FRMD4A: variants seen among roughly 807,000 people sequenced by gnomAD.
FRMD4A encodes the protein FERM domain-containing protein 4A.
A neutral mutation model predicts 129.1 loss-of-function variants in FRMD4A; 29 were observed. That is an observed-to-expected ratio of 0.22 (90% CI 0.17 to 0.31). FRMD4A has a LOEUF of 0.31. Ranked by LOEUF, FRMD4A falls within the 10% of genes least tolerant of loss-of-function variation. The probability of loss-of-function intolerance (pLI) is 1.00; values close to 1 mark genes in which losing one functional copy is unlikely to be tolerated. For missense variants in FRMD4A, 1,272 were observed against 1,375.8 expected (o/e 0.92, Z 1.19); for synonymous variants, 634 against 571.6 (o/e 1.11, Z -1.56).
In FRMD4A at chr10:14,309,670, C is replaced by G. The variant is rs1043084750; in HGVS notation, c.45+20388G>C. Among the ~76,000 whole-genome samples, 7 of 152,166 alleles carry G rather than the reference C, an allele frequency of 4.6e-5. No homozygotes were observed. The East Asian group carries it at 7.7e-4, about 17-fold the overall frequency. ...CATTCGAACCCCAGCCTCCAGGCCC[C>G]CCTCCTGCCTCCATATCTAACAGTG... On this transcript the variant is annotated intron_variant, in intron 2 of 24. Transcript: ENST00000357447.
intron 3 of FRMD4A, among the ~76,000 whole-genome samples, chr10:13,813,761 G>C (rs1400131312): frequency 6.6e-6 from 1 of 152,230 alleles, no homozygotes; most frequent in East Asian, 1.9e-4. Flanking sequence ...AGCGCTGCCA[G>C]AGCGTATTGT....
chr10:14,289,921 C>G (rs1845799338), intron 2 of FRMD4A, among the ~76,000 whole-genome samples: 1 of 151,700 alleles, frequency 6.6e-6, no homozygotes, highest in Admixed American at 6.6e-5. Context: ...TTGCAAGACA[C>G]AAGTCAAAAT....
intron 3 of FRMD4A, among the ~76,000 whole-genome samples, chr10:13,812,184 T>C (rs1256850376): frequency 1.3e-5 from 2 of 152,106 alleles, no homozygotes; most frequent in Non-Finnish European, 2.9e-5. Context: ...TGGCCGACAG[T>C]TGGTTTCTTA....
At chr10:13,859,553 G>T (rs1338506957) in intron 2 of FRMD4A, among the ~76,000 whole-genome samples, 3 of 152,052 alleles carry the variant, frequency 2.0e-5, no homozygotes, top group Non-Finnish European at 2.9e-5. Flanking sequence ...TCTCAGGGGT[G>T]GTGGGTGTTG....
intron 8 of FRMD4A, among the ~76,000 whole-genome samples, chr10:13,752,921 G>T (rs2091694573): frequency 6.6e-6 from 1 of 152,212 alleles, no homozygotes; most frequent in East Asian, 1.9e-4. Context: ...TGGGCTGGAG[G>T]TGTTGATGTG....
chr10:14,101,516 T>C (rs2131775652), intron 2 of FRMD4A, among the ~76,000 whole-genome samples: 1 of 152,252 alleles, frequency 6.6e-6, no homozygotes, highest in African/African-American at 2.4e-5. Context: ...TTTCAACACA[T>C]CTTTTGAGAT....
At chr10:13,799,471 T>C (rs2093204205) in intron 4 of FRMD4A, among the ~76,000 whole-genome samples, 2 of 151,846 alleles carry the variant, frequency 1.3e-5, no homozygotes, top group Admixed American at 1.3e-4. Context: ...GTTGACTTTC[T>C]ATATCTGGAA....
intron 2 of FRMD4A, among the ~76,000 whole-genome samples, chr10:14,057,909 G>T (rs941240349): frequency 1.3e-5 from 2 of 152,156 alleles, no homozygotes; most frequent in South Asian, 4.1e-4. Flanking sequence ...GTTTCTCTTG[G>T]AGCCAAATTC....
chr10:13,963,508 T>C (rs1000631829), intron 2 of FRMD4A, among the ~76,000 whole-genome samples: 4 of 152,146 alleles, frequency 2.6e-5, no homozygotes, highest in African/African-American at 9.7e-5. Flanking sequence ...CCAAGACTGG[T>C]TGTATGAGCT....
chr10:13,811,915 G>A (rs570230945), intron 3 of FRMD4A, among the ~76,000 whole-genome samples: 4 of 135,546 alleles, frequency 3.0e-5, no homozygotes, highest in African/African-American at 8.4e-5. Context: ...ATGGAGTCTC[G>A]CTCTGTCACC....
chr10:14,120,943 GA>G (rs1838475375), intron 2 of FRMD4A, among the ~76,000 whole-genome samples: 1 of 152,192 alleles, frequency 6.6e-6, no homozygotes, highest in Non-Finnish European at 1.5e-5. Flanking sequence ...TCCCTGACTG[GA>G]AAGCAATGGG....
At chr10:14,120,503 T>C (rs1838445587) in intron 2 of FRMD4A, among the ~76,000 whole-genome samples, 1 of 152,220 alleles carries the variant, frequency 6.6e-6, no homozygotes, top group South Asian at 2.1e-4. Context: ...AACACATGGA[T>C]GTATAAATCA....
At chr10:14,112,428 A>T (rs1428808384) in intron 2 of FRMD4A, among the ~76,000 whole-genome samples, 1 of 152,178 alleles carries the variant, frequency 6.6e-6, no homozygotes, top group Admixed American at 6.5e-5. Context: ...CTTGCAATTT[A>T]TTTCAAAAGA....
chr10:14,318,218 A>T (rs1846821286), intron 2 of FRMD4A, among the ~76,000 whole-genome samples: 1 of 152,166 alleles, frequency 6.6e-6, no homozygotes, highest in African/African-American at 2.4e-5. Flanking sequence ...CCTGTTCATT[A>T]ATCCCTAGGA....
intron 16 of FRMD4A, among the ~76,000 whole-genome samples, chr10:13,672,969 G>A (rs894812967): frequency 6.6e-6 from 1 of 152,154 alleles, no homozygotes; most frequent in Admixed American, 6.5e-5. Context: ...ATAAGAAGTG[G>A]CAGCTTTGTT....
In FRMD4A at chr10:14,287,028, T is replaced by C. The variant is rs541968639; in HGVS notation, c.45+43030A>G. Among the ~76,000 whole-genome samples the C allele has an allele frequency of 3.9e-5, 6 of 152,324 alleles. No individual in the cohort carries two copies. In the East Asian group the frequency reaches 5.8e-4, roughly 15 times the overall value. ...TCGCATCACTCTTGGCGTTCTGCACTGTTAAGGTCAATCTCTAATAAAATT... is the reference window on the plus strand; with the variant it reads ...TCGCATCACTCTTGGCGTTCTGCACCGTTAAGGTCAATCTCTAATAAAATT... On this transcript the variant is annotated intron_variant, in intron 2 of 24. Coordinates refer to ENST00000357447, the MANE Select transcript of FRMD4A (RefSeq NM_018027.5).
At chr10:14,096,365 C>T (rs1836961894) in intron 2 of FRMD4A, among the ~76,000 whole-genome samples, 1 of 152,160 alleles carries the variant, frequency 6.6e-6, no homozygotes, top group South Asian at 2.1e-4. Flanking sequence ...ATAAACTACC[C>T]AATCCAAGAT....
intron 2 of FRMD4A, among the ~76,000 whole-genome samples, chr10:14,105,364 G>A (rs1269237345): frequency 1.3e-5 from 2 of 152,064 alleles, no homozygotes; most frequent in Non-Finnish European, 2.9e-5. Context: ...CCAGGAGTTT[G>A]AGACTAACCT....
chr10:14,302,386 C>G lies in FRMD4A; in HGVS notation c.45+27672G>C, dbSNP rs57721621. ...CTCCATATAATGTATTTATTCAGGT[C>G]TTCTCACTTTGTATTAAAGGAACTT... On this transcript the variant is annotated intron_variant, in intron 2 of 24. Transcript: ENST00000357447. Among the ~76,000 whole-genome samples, 70 of 152,302 alleles carry G rather than the reference C, an allele frequency of 4.6e-4. 1 individual carries two copies. In the East Asian group the frequency reaches 0.013, roughly 29 times the overall value.
Sources: gnomAD v4.1 joint callset for allele counts (sites outside exome capture counted in the v4.1 genomes callset) on GRCh38, gnomAD v4.1.1 for gene constraint, MANE v1.5 for transcripts, NCBI Gene and HGNC (gene_info 2026-07-23, HGNC 2026-07-21) for gene names.